Variants in SCEL observed in about 807,000 individuals in gnomAD.
The protein encoded by SCEL is sciellin.
In SCEL, 113 loss-of-function variants were observed where a neutral mutation model predicts 117.6. The observed-to-expected ratio is 0.96, with a 90% CI of 0.83 to 1.12. The LOEUF (loss-of-function observed/expected upper bound fraction) is 1.12. Ranked by LOEUF, SCEL falls within the 50% of genes most tolerant of loss-of-function variation. The pLI is 0.00. For synonymous variants in SCEL, 270 were observed against 256.2 expected, an observed-to-expected ratio of 1.05 and a Z score of -0.51; for missense variants, 785 against 810.8, an observed-to-expected ratio of 0.97 and a Z score of 0.39.
At chr13:77,540,001 A>C (rs2083615109) in intron 1 of SCEL, among the ~76,000 whole-genome samples, 1 of 152,192 alleles carries the variant, frequency 6.6e-6, no homozygotes, top group Non-Finnish European at 1.5e-5. Context: ...ATTGTAAGAA[A>C]CTAAAGACAG....
At chr13:77,627,434 G>C (rs762766755) in intron 27 of SCEL, among the ~76,000 whole-genome samples, 1 of 152,128 alleles carries the variant, frequency 6.6e-6, no homozygotes, top group East Asian at 1.9e-4. Flanking sequence ...ATAAGACCTA[G>C]TATTAGATCA....
intron 3 of SCEL, among the ~76,000 whole-genome samples, 178 bp downstream of exon 3, chr13:77,556,891 T>C (rs1048740109): frequency 6.6e-6 from 1 of 152,226 alleles, no homozygotes; most frequent in Non-Finnish European, 1.5e-5. Flanking sequence ...GTTTCAAGAA[T>C]ATTTCTGCCA....
intron 9 of SCEL, among the ~76,000 whole-genome samples, chr13:77,573,110 C>T (rs2085736291): frequency 6.6e-6 from 1 of 152,178 alleles, no homozygotes; most frequent in African/African-American, 2.4e-5. Flanking sequence ...ACACCTTATT[C>T]TACAATTTCC....
At chr13:77,600,377 C>T (rs1325656877) in intron 15 of SCEL, among the ~76,000 whole-genome samples, 1 of 152,064 alleles carries the variant, frequency 6.6e-6, no homozygotes, top group Non-Finnish European at 1.5e-5. Context: ...GATCTGCCCA[C>T]CTAGGCCTTC....
chr13:77,559,788 T>C lies in SCEL; in HGVS notation c.162-16T>C, dbSNP rs372286556. On this transcript the variant is annotated splice_polypyrimidine_tract_variant and intron_variant, in intron 3 of 32. Coordinates refer to ENST00000349847, the MANE Select transcript of SCEL (RefSeq NM_144777.3). ...GGTAACTTTCTATGTGACATACTTT[T>C]GTTCTTTCTTTGCAGAGATGAAAAT... 3.1e-6 allele frequency: 5 copies of C among 1,611,618 alleles called. No homozygotes were observed. Among genetic ancestry groups the C allele is most frequent in the Admixed American group, 1.7e-5 (1 of 59,942 alleles).
intron 1 of SCEL, among the ~76,000 whole-genome samples, chr13:77,546,725 CG>C (rs1457108202): frequency 2.0e-5 from 3 of 151,548 alleles, no homozygotes; most frequent in Admixed American, 1.3e-4. Context: ...ACAAACGAGG[CG>C]GTTTATTTTT....
chr13:77,546,233 A>G (rs1016693186), intron 1 of SCEL, among the ~76,000 whole-genome samples: 4 of 152,294 alleles, frequency 2.6e-5, no homozygotes, highest in African/African-American at 7.2e-5. Context: ...ATGATCATCA[A>G]TCATCTGGGA....
intron 27 of SCEL, among the ~76,000 whole-genome samples, chr13:77,620,088 G>T (rs779782704): frequency 2.0e-5 from 3 of 152,122 alleles, no homozygotes; most frequent in African/African-American, 7.2e-5. Context: ...ATTGGCTATC[G>T]TGTGGTTTTA....
intron 9 of SCEL, among the ~76,000 whole-genome samples, chr13:77,583,989 G>A (rs554859182): frequency 4.6e-5 from 7 of 152,308 alleles, no homozygotes; most frequent in Non-Finnish European, 1.0e-4. Context: ...TGAAATCCAC[G>A]TTTTTTATTC....
chr13:77,554,246 C>A (rs370450333), intron 1 of SCEL, among the ~76,000 whole-genome samples: 1 of 152,118 alleles, frequency 6.6e-6, no homozygotes, highest in Non-Finnish European at 1.5e-5. Flanking sequence ...AGGGACTGAC[C>A]TTTTTTATCC....
intron 27 of SCEL, among the ~76,000 whole-genome samples, chr13:77,619,811 T>G (rs554327563): frequency 2.6e-5 from 4 of 152,282 alleles, no homozygotes; most frequent in Admixed American, 2.0e-4. Context: ...AATAACCATG[T>G]TATGTAATAA....
chr13:77,627,919 A>T, intron 27 of SCEL, 28 bp from the exon 28 acceptor site: 1 of 914,626 alleles, frequency 1.1e-6, no homozygotes, highest in Non-Finnish European at 1.7e-6. Flanking sequence ...TGTTGTAATT[A>T]TTCATATATA....
At chr13:77,608,007 A>G (rs781195761) in intron 19 of SCEL, 49 bp from the exon 20 acceptor site, 22 of 1,389,454 alleles carry the variant, frequency 1.6e-5, no homozygotes, top group Non-Finnish European at 1.0e-5. Flanking sequence ...TTGTCAGTCT[A>G]CCATTGTTAC....
chr13:77,548,938 C>T (rs916886397), intron 1 of SCEL, among the ~76,000 whole-genome samples: 1 of 152,050 alleles, frequency 6.6e-6, no homozygotes, highest in Non-Finnish European at 1.5e-5. Context: ...CATATATACC[C>T]TTTTTTCTTT....
chr13:77,569,519 C>G lies in SCEL; in HGVS notation c.479+68C>G, dbSNP rs1406939377. The G allele has an allele frequency of 9.6e-6, 12 of 1,254,138 alleles. 1 individual carries two copies. In the South Asian group the frequency reaches 1.3e-4, roughly 14 times the overall value. The allele number at this position is 1,254,138 out of a possible 1,614,324, so 77.7% of individuals were successfully genotyped here. On this transcript the variant is annotated intron_variant, in intron 8 of 32. Transcript: ENST00000349847. ...GAAAGACTGCATTAGAAAGCTTCCT[C>G]CTCTTTTTTGTGGGGATCCAGCATC...
intron 12 of SCEL, chr13:77,597,127 G>A: frequency 2.3e-5 from 4 of 175,080 alleles, no homozygotes; most frequent in Non-Finnish European, 4.7e-5. Flanking sequence ...TGGGTATTAA[G>A]TATCTACTGT....
At chr13:77,608,996 A>G in intron 20 of SCEL, 62 bp from the exon 21 acceptor site, 4 of 1,331,452 alleles carry the variant, frequency 3.0e-6, no homozygotes, top group Non-Finnish European at 4.2e-6. Context: ...CCTTTAAATC[A>G]AAACAGTCAA....
At chr13:77,625,153 C>T (rs1163998368) in intron 27 of SCEL, among the ~76,000 whole-genome samples, 1 of 152,146 alleles carries the variant, frequency 6.6e-6, no homozygotes, top group African/African-American at 2.4e-5. Context: ...TGCCCACCAT[C>T]CCAGTTTGAC....
In SCEL at chr13:77,617,984, T is replaced by C. The variant is rs1368388965; in HGVS notation, c.1572-20T>C. On this transcript the variant is annotated intron_variant, in intron 26 of 32. Coordinates refer to ENST00000349847, the MANE Select transcript of SCEL (RefSeq NM_144777.3). ...AATCTATTACCAATCTGAACTTTTT[T>C]CTCTCTCTCTTTTAAACAGCCAAGA... 6.2e-7 allele frequency: 1 copy of C among 1,608,700 alleles called. No homozygotes were observed. The highest frequency in any genetic ancestry group is 8.5e-7 in the Non-Finnish European group (1 of 1,175,252).
Sources: allele counts gnomAD v4.1 joint callset (sites outside exome capture counted in the v4.1 genomes callset), GRCh38; gene constraint gnomAD v4.1.1; transcripts MANE v1.5; gene names NCBI Gene and HGNC (gene_info 2026-07-23, HGNC 2026-07-21).